Variants in PKD1L1 observed in about 807,000 individuals in gnomAD.
The protein encoded by PKD1L1 is polycystin-1-like protein 1.
Under a neutral mutation model 323.4 loss-of-function variants are expected in PKD1L1, and 236 were observed. That is an observed-to-expected ratio of 0.73 (90% CI 0.66 to 0.81). PKD1L1 has a LOEUF of 0.81. PKD1L1 is among the 40% of genes least tolerant of loss of function. PKD1L1 has a pLI of 0.00. For synonymous variants in PKD1L1, 1,344 were observed against 1,335.0 expected, an observed-to-expected ratio of 1.01 and a Z score of -0.15; for missense variants, 3,320 against 3,508.0, an observed-to-expected ratio of 0.95 and a Z score of 1.35.
Position 47,812,044 on chromosome 7 carries a change from C to T in PKD1L1, c.7354G>A (p.Ala2452Thr), listed in dbSNP as rs1000336857. Residue 2452 changes from alanine to threonine, a missense_variant, in exon 50 of 57, where the codon GCC becomes ACC. Coordinates refer to ENST00000289672, the MANE Select transcript of PKD1L1 (RefSeq NM_138295.5). ...CTGAGTCGGGACAGGGCTGTGTGGGCTTCAGTCCTGTAAAACAGCACACAC... is the reference window on the plus strand; with the variant it reads ...CTGAGTCGGGACAGGGCTGTGTGGGTTTCAGTCCTGTAAAACAGCACACAC... Reference protein sequence around the residue: ...VLSLGRTRTEAHTALSRLRAS... With the variant: ...VLSLGRTRTETHTALSRLRAS... The T allele has an allele frequency of 3.8e-6, 6 of 1,559,554 alleles. No homozygotes were observed. In the South Asian group the frequency reaches 7.1e-5, roughly 18 times the overall value.
rs1032517312 is a variant in PKD1L1, at chr7:47,808,268, G to C, written c.7806C>G (p.Thr2602=). The change falls in exon 52 of 57, where the codon ACC becomes ACG. Residue 2602 remains threonine, a synonymous_variant. Transcript: ENST00000289672. ...GTACCTGATTCCATGATGCCATAAGGGTGAGGTCCATAAATGCTCGGCAAA... is the reference window on the plus strand; with the variant it reads ...GTACCTGATTCCATGATGCCATAAGCGTGAGGTCCATAAATGCTCGGCAAA... ...RGLCRAFMDL[T]LMASWNQRAR... is the part of the protein sequence containing the mutation. The C allele has an allele frequency of 6.2e-6, 10 of 1,614,022 alleles. No homozygotes were observed. The highest frequency in any genetic ancestry group is 8.5e-6 in the Non-Finnish European group (10 of 1,180,036).
chr7:47,877,210 C>G (rs1022996623), intron 22 of PKD1L1, among the ~76,000 whole-genome samples: 2 of 152,164 alleles, frequency 1.3e-5, no homozygotes, highest in African/African-American at 4.8e-5. Flanking sequence ...GGCCCCTGTT[C>G]TAACCAGGCT....
Position 47,774,921 on chromosome 7 carries a change from T to C in PKD1L1, c.*222A>G. The C allele has an allele frequency of 3.7e-6, 2 of 536,378 alleles. No homozygotes were observed. The highest frequency in any genetic ancestry group is 5.2e-5 in the South Asian group (2 of 38,578). 33.2% of individuals were successfully genotyped at this position (536,378 alleles called of 1,614,324 possible). ...TGGAGTTAGAATCTTGTCCCACATC[T>C]GAACTCTCCGAATGGTGATTATGAG... On this transcript the variant is annotated 3_prime_UTR_variant, in exon 57 of 57. Transcript: ENST00000289672.
At chr7:47,813,834 A>G (rs528975616) in intron 48 of PKD1L1, 97 bp downstream of exon 48, 118 of 1,037,364 alleles carry the variant, frequency 1.1e-4, no homozygotes, top group Non-Finnish European at 2.9e-6. Flanking sequence ...GAACTCACAG[A>G]GAAGTTCAAA....
the PKD1L1 span, among the ~76,000 whole-genome samples, chr7:47,955,711 G>A: frequency 6.6e-6 from 1 of 152,090 alleles, no homozygotes; most frequent in Non-Finnish European, 1.5e-5. Context: ...TAACCTTTGT[G>A]TAAATTCCTA....
the PKD1L1 span, among the ~76,000 whole-genome samples, chr7:47,958,064 A>T: frequency 1.2e-4 from 18 of 152,132 alleles, no homozygotes; most frequent in African/African-American, 4.1e-4. Flanking sequence ...TCAAAATACC[A>T]ATGACATTCT....
Position 47,839,425 on chromosome 7 carries a change from G to A in PKD1L1, c.5769+21C>T. ...CCGGTCAGCCAGGTGCGCCACGAGAGGCCACCTGGAGGGAGCCTACCTTCC... is the reference window on the plus strand; with the variant it reads ...CCGGTCAGCCAGGTGCGCCACGAGAAGCCACCTGGAGGGAGCCTACCTTCC... On this transcript the variant is annotated intron_variant, in intron 36 of 56. Coordinates refer to ENST00000289672, the MANE Select transcript of PKD1L1 (RefSeq NM_138295.5). The surrounding 1 kb of genome is among the most constrained non-coding windows in gnomAD (Gnocchi z 4.3). The A allele has an allele frequency of 6.3e-7, 1 of 1,586,132 alleles. No individual in the cohort carries two copies. Among genetic ancestry groups the A allele is most frequent in the Non-Finnish European group, 8.6e-7 (1 of 1,162,876 alleles).
intron 31 of PKD1L1, among the ~76,000 whole-genome samples, chr7:47,850,164 GAAATA>G (rs1231881078): frequency 6.6e-6 from 1 of 151,986 alleles, no homozygotes; most frequent in African/African-American, 2.4e-5. Context: ...AAAAACTACT[GAAATA>G]AAATAAAATA....
rs1785475567 is a variant in PKD1L1, at chr7:47,837,091, A to G, written c.5773T>C (p.Phe1925Leu). The change falls in exon 37 of 57, where the codon TTC becomes CTC. Residue 1925 changes from phenylalanine to leucine, a missense_variant. By Grantham distance (22) the Phe-to-Leu change is conservative. Coordinates refer to ENST00000289672, the MANE Select transcript of PKD1L1 (RefSeq NM_138295.5). ...LQGGLGFRKLFYCKFTEYLED... is the reference protein window; with the variant it reads ...LQGGLGFRKLLYCKFTEYLED... ...AGGTACTCTGTGAACTTGCAATAGAAAAGCTGAAACGGAAAGCAGGAGAAG... is the reference window on the plus strand; with the variant it reads ...AGGTACTCTGTGAACTTGCAATAGAGAAGCTGAAACGGAAAGCAGGAGAAG... 1.2e-6 allele frequency: 2 copies of G among 1,613,994 alleles called. No homozygotes were observed. The highest frequency in any genetic ancestry group is 1.7e-6 in the Non-Finnish European group (2 of 1,179,890).
intron 55 of PKD1L1, among the ~76,000 whole-genome samples, chr7:47,793,505 T>A (rs1219851883): frequency 1.3e-5 from 2 of 152,236 alleles, no homozygotes; most frequent in African/African-American, 4.8e-5. Flanking sequence ...CCACGTAAGA[T>A]GTGCCTTTCA....
rs1406094974 is a variant in PKD1L1, at chr7:47,835,043, C to A, written c.6055-4G>T. 5 of 1,613,644 alleles carry A rather than the reference C, an allele frequency of 3.1e-6. No homozygotes were observed. In the East Asian group the frequency reaches 8.9e-5, roughly 29 times the overall value. ...CTCGGGCAGACCCCGGGGCTTCCTG[C>A]AGAAGGAAAGAGGTGGTTCGCCAAG... On this transcript the variant is annotated splice_region_variant and splice_polypyrimidine_tract_variant and intron_variant, in intron 38 of 56. Transcript: ENST00000289672.
In PKD1L1 at chr7:47,894,031, C is replaced by T; in HGVS notation, c.2300G>A (p.Ser767Asn). The change falls in exon 15 of 57, where the codon AGC (serine) becomes AAC (asparagine). Residue 767 changes from serine (S) to asparagine (N), a missense_variant. Ser to Asn is a conservative substitution (Grantham distance 46). Coordinates refer to ENST00000289672, the MANE Select transcript of PKD1L1 (RefSeq NM_138295.5). Reference sequence around the variant, plus strand: ...CACCTCCAGGCCCACACAGTAGTTGCTGTACACCACACTGCCTTCAATCTG... The same window carrying T: ...CACCTCCAGGCCCACACAGTAGTTGTTGTACACCACACTGCCTTCAATCTG... Reference protein sequence around the residue: ...KVQIEGSVVYSNYCVGLEVRA... With the variant: ...KVQIEGSVVYNNYCVGLEVRA... 1 of 1,591,576 alleles carries T rather than the reference C, an allele frequency of 6.3e-7. No individual in the cohort carries two copies.
intron 13 of PKD1L1, among the ~76,000 whole-genome samples, chr7:47,901,328 A>C (rs1316194755): frequency 1.1e-5 from 1 of 87,964 alleles, no homozygotes; most frequent in South Asian, 3.4e-4. Context: ...ACAGAGTCTC[A>C]AAAAAAAAAA....
chr7:47,915,649 C>G, intron 7 of PKD1L1, 50 bp from the exon 8 acceptor site: 1 of 1,211,040 alleles, frequency 8.3e-7, no homozygotes, highest in African/African-American at 1.6e-5. Flanking sequence ...AATTAATAAA[C>G]TAGGGGAAAA....
chr7:47,863,579 A>G (rs1276974086), intron 26 of PKD1L1, among the ~76,000 whole-genome samples: 3 of 152,090 alleles, frequency 2.0e-5, no homozygotes, highest in African/African-American at 7.2e-5. Context: ...GTGTCCCCCA[A>G]AGCAGATTGA....
In PKD1L1 at chr7:47,885,775, A is replaced by G. The variant is rs776017701; in HGVS notation, c.3116T>C (p.Leu1039Pro). The G allele has an allele frequency of 5.6e-6, 9 of 1,614,208 alleles. No individual in the cohort carries two copies. The South Asian group carries it at 6.6e-5, about 12-fold the overall frequency. The change falls in exon 18 of 57, where the codon CTA becomes CCA. Residue 1039 changes from leucine to proline, a missense_variant. Physicochemically the swap from Leu to Pro is moderately conservative, Grantham distance 98. Coordinates refer to ENST00000289672, the MANE Select transcript of PKD1L1 (RefSeq NM_138295.5). Reference sequence around the variant, plus strand: ...TCCCTTGCTCTGTGGCCCTGGCTCTAGGTCTAGTGAACCTTCCTCTGGAGC... The same window carrying G: ...TCCCTTGCTCTGTGGCCCTGGCTCTGGGTCTAGTGAACCTTCCTCTGGAGC... ...GEAPEEGSLD[L>P]EPGPQSKGSL...
intron 4 of PKD1L1, among the ~76,000 whole-genome samples, chr7:47,932,688 C>G (rs536095589): frequency 1.2e-4 from 19 of 152,322 alleles, no homozygotes; most frequent in African/African-American, 4.6e-4. Context: ...CCTTTCTCGG[C>G]GGCGGCTCCA....
Position 47,919,240 on chromosome 7 carries a change from T to C in PKD1L1, c.1061-3641A>G, listed in dbSNP as rs1024526445. ...CCAAAGATCATTCAAGGCTACTTAA[T>C]GAACACCTTTACACACATAAACTAG... On this transcript the variant is annotated intron_variant, in intron 7 of 56. Transcript: ENST00000289672. Among the ~76,000 whole-genome samples the C allele has an allele frequency of 8.5e-5, 13 of 152,246 alleles. 1 individual carries two copies. In the South Asian group the frequency reaches 1.7e-3, roughly 19 times the overall value.
At position 47,893,758 on chromosome 7, in the gene PKD1L1, TA is replaced by T. The variant is rs201878562; in HGVS notation, c.2453+119del. On this transcript the variant is annotated intron_variant, in intron 15 of 56. Transcript: ENST00000289672. The stretch of plus-strand genomic sequence containing the variant: ...TGTTCCTAAATAAAGCAGTTAAACT[TA>T]ACGAAAGTTGATGTGCTTAAAATTT... 3.7e-3 allele frequency: 3,876 copies of T among 1,056,650 alleles called. 97 individuals are homozygous for T. In the African/African-American group the frequency reaches 0.056, roughly 15 times the overall value. 65.5% of individuals were successfully genotyped at this position (1,056,650 alleles called of 1,614,324 possible). A position where few individuals can be genotyped will look rare whatever the true frequency, so the allele number is the denominator to read the frequency against.
Sources: allele counts gnomAD v4.1 joint callset (sites outside exome capture counted in the v4.1 genomes callset), GRCh38; gene constraint gnomAD v4.1.1; non-coding constraint Gnocchi (gnomAD v3.1); transcripts MANE v1.5; gene names NCBI Gene and HGNC (gene_info 2026-07-23, HGNC 2026-07-21).